Variants in BTD observed in about 807,000 individuals in gnomAD.
The protein encoded by BTD is biotinidase, also known as biocytinase.
Under a neutral mutation model 17.7 loss-of-function variants are expected in BTD, and 13 were observed. The ratio of observed to expected loss-of-function variants is 0.74; its 90% CI spans 0.48 to 1.17. BTD has a LOEUF of 1.17. BTD is among the 50% of genes most tolerant of loss of function. The probability of loss-of-function intolerance (pLI) is 0.00; values close to 1 mark genes in which losing one functional copy is unlikely to be tolerated. For missense variants in BTD, 674 were observed against 650.4 expected, an observed-to-expected ratio of 1.04 and a Z score of -0.39; for synonymous variants, 240 against 245.2, an observed-to-expected ratio of 0.98 and a Z score of 0.20.
At chr3:15,711,338 T>C (rs1342924523) in exon 4 of BTD, 20 of 1,373,022 alleles carry the variant, frequency 1.5e-5, no homozygotes, top group Non-Finnish European at 2.0e-5. Flanking sequence ...AATTGTGTCA[T>C]GAAACATCAA....
intron 3 of BTD, among the ~76,000 whole-genome samples, chr3:15,697,663 T>C (rs1235768032): frequency 1.3e-5 from 2 of 152,178 alleles, no homozygotes; most frequent in Non-Finnish European, 2.9e-5. Flanking sequence ...CAGTATTTTA[T>C]TGAGGATTTT....
At chr3:15,713,436 C>A (rs1386366965), downstream of BTD, 5 of 949,670 alleles carry the variant, frequency 5.3e-6, no homozygotes, top group East Asian at 2.7e-5. Context: ...AGGATAAAAT[C>A]CACATTTCCA....
At chr3:15,706,706 A>G (rs1412270373) in intron 3 of BTD, among the ~76,000 whole-genome samples, 3 of 152,188 alleles carry the variant, frequency 2.0e-5, no homozygotes, top group African/African-American at 7.2e-5. Context: ...AGTCCCACCA[A>G]CAGTATAAAA....
At chr3:15,630,182 G>T in intron 1 of BTD, 1 of 650,264 alleles carries the variant, frequency 1.5e-6, no homozygotes, top group Non-Finnish European at 1.9e-6. Flanking sequence ...TCTGGGTCTT[G>T]TTTAACTGTA....
At position 15,635,294 on chromosome 3, in the gene BTD, A is replaced by G; in HGVS notation, c.-16-130A>G. 7.1e-7 allele frequency: 1 copy of G among 1,407,040 alleles called. No individual in the cohort carries two copies. Among genetic ancestry groups the G allele is most frequent in the East Asian group, 2.3e-5 (1 of 43,868 alleles). 87.2% of individuals were successfully genotyped at this position (1,407,040 alleles called of 1,614,324 possible). ...TACTCTTTTATTAGGAACATGAAAC[A>G]AACTCTTTGAGCCGCAGTATCACTG... On this transcript the variant is annotated intron_variant, in intron 1 of 3. Coordinates refer to ENST00000643237, the MANE Select transcript of BTD (RefSeq NM_001370658.1). The surrounding 1 kb of genome is among the most constrained non-coding windows in gnomAD (Gnocchi z 4.1).
At chr3:15,670,165 G>T (rs1575055635) in intron 3 of BTD, 1 of 1,290,856 alleles carries the variant, frequency 7.7e-7, no homozygotes, top group Non-Finnish European at 1.1e-6. Flanking sequence ...CTCACTGTGG[G>T]ATCTTTCCTC....
chr3:15,616,268 A>G (rs1255946640), intron 1 of BTD, among the ~76,000 whole-genome samples: 1 of 152,200 alleles, frequency 6.6e-6, no homozygotes, highest in Non-Finnish European at 1.5e-5. Context: ...TCCCATCAGC[A>G]ATGAATCAGA....
rs113633407 is a variant in BTD at position 15,650,280 on chromosome 3, G to C, written c.*4792G>C. ...GAAAGTTTTTTTATTTTTGTGTTCA[G>C]TACTGAAGTAAAACAAAAATCTGAA... On this transcript the variant is annotated 3_prime_UTR_variant, in exon 4 of 4. Coordinates refer to ENST00000643237, the MANE Select transcript of BTD (RefSeq NM_001370658.1). Among the ~76,000 whole-genome samples the C allele has an allele frequency of 6.6e-6, 1 of 152,286 alleles. No individual in the cohort carries two copies. Among genetic ancestry groups the C allele is most frequent in the African/African-American group, 2.4e-5 (1 of 41,552 alleles).
chr3:15,700,363 G>C (rs1394834558), intron 3 of BTD, among the ~76,000 whole-genome samples: 1 of 151,828 alleles, frequency 6.6e-6, no homozygotes, highest in Non-Finnish European at 1.5e-5. Context: ...TAAATGATGA[G>C]TTGATGGGTG....
intron 3 of BTD, chr3:15,686,466 G>T: frequency 1.6e-6 from 1 of 639,312 alleles, no homozygotes; most frequent in Non-Finnish European, 2.7e-6. Flanking sequence ...GGTTTCTACG[G>T]CCTTTGACTG....
In BTD at chr3:15,643,059, G is replaced by T. The variant is rs531325794; in HGVS notation, c.399+1002G>T. The stretch of plus-strand genomic sequence containing the variant: ...AAAAAAAAAAATAAAATAAAATAAA[G>T]AAATGGAATCCCTCAAAGGATATGT... On this transcript the variant is annotated intron_variant, in intron 3 of 3. Coordinates refer to ENST00000643237, the MANE Select transcript of BTD (RefSeq NM_001370658.1). 1.6e-3 allele frequency among the ~76,000 whole-genome samples: 235 copies of T among 147,196 alleles called. 6 individuals carry two copies. Among genetic ancestry groups the T allele is most frequent in the African/African-American group, 4.5e-3 (176 of 39,004 alleles).
At chr3:15,690,187 A>G (rs745550481) in intron 3 of BTD, 2 of 1,606,612 alleles carry the variant, frequency 1.2e-6, no homozygotes, top group East Asian at 4.5e-5. Context: ...GACTGTACCA[A>G]CACTTCCAGT....
intron 1 of BTD, among the ~76,000 whole-genome samples, chr3:15,615,066 G>C (rs2064754976): frequency 6.6e-6 from 1 of 152,136 alleles, no homozygotes; most frequent in South Asian, 2.1e-4. Context: ...TTCCTTGTGT[G>C]TTTTGTAATT....
rs2065329783 is a variant in BTD, at chr3:15,635,701, C to G, written c.249+13C>G. The G allele has an allele frequency of 1.9e-6, 3 of 1,613,930 alleles. No homozygotes were observed. Among genetic ancestry groups the G allele is most frequent in the South Asian group, 1.1e-5 (1 of 91,070 alleles). On this transcript the variant is annotated intron_variant, in intron 2 of 3. Coordinates refer to ENST00000643237, the MANE Select transcript of BTD (RefSeq NM_001370658.1). The surrounding 1 kb of genome is among the most constrained non-coding windows in gnomAD (Gnocchi z 4.1). ...TGCAGCCCAAAAGGCAAGAATGCTC[C>G]TCGGAACCTGAGTTTCTCTCATACA...
At chr3:15,684,963 A>AAAGAG in intron 3 of BTD, 1 of 421,446 alleles carries the variant, frequency 2.4e-6, no homozygotes, top group Non-Finnish European at 4.3e-6. Context: ...ACCAAAACTA[A>AAAGAG]AAAAGAAAAG....
chr3:15,617,898 A>G (rs2064838409), intron 1 of BTD, among the ~76,000 whole-genome samples: 1 of 152,134 alleles, frequency 6.6e-6, no homozygotes, highest in Non-Finnish European at 1.5e-5. Flanking sequence ...TTCTGACTTC[A>G]TTCTTCTTCA....
intron 3 of BTD, chr3:15,690,360 C>A (rs1185892864): frequency 5.7e-6 from 4 of 703,200 alleles, no homozygotes; most frequent in Non-Finnish European, 6.8e-6. Flanking sequence ...ATCGAGAATT[C>A]AGGAAGTTAA....
intron 4 of BTD, among the ~76,000 whole-genome samples, chr3:15,721,744 T>G (rs919838033): frequency 6.6e-6 from 1 of 151,844 alleles, no homozygotes; most frequent in Admixed American, 6.6e-5. Context: ...TAATTAAGGG[T>G]TTTGCTTTTC....
chr3:15,672,784 G>A (rs960036452), intron 3 of BTD, among the ~76,000 whole-genome samples: 2 of 151,988 alleles, frequency 1.3e-5, no homozygotes, highest in African/African-American at 4.8e-5. Context: ...CTGCATGGGG[G>A]TTATTTTTTG....
Sources: allele counts gnomAD v4.1 joint callset (sites outside exome capture counted in the v4.1 genomes callset), GRCh38; gene constraint gnomAD v4.1.1; non-coding constraint Gnocchi (gnomAD v3.1); transcripts MANE v1.5; gene names NCBI Gene and HGNC (gene_info 2026-07-23, HGNC 2026-07-21).